Variants in ZFAND4 observed in about 807,000 individuals in gnomAD.
ZFAND4 encodes the protein AN1-type zinc finger protein 4.
ZFAND4 carries 43 observed loss-of-function variants against 64.4 expected under a neutral mutation model. The observed-to-expected ratio is 0.67, with a 90% CI of 0.52 to 0.86. The LOEUF (loss-of-function observed/expected upper bound fraction) is 0.86, where lower values mean the gene tolerates loss of function less well. Ranked by LOEUF, ZFAND4 falls within the 40% of genes least tolerant of loss-of-function variation. The probability of loss-of-function intolerance (pLI) is 0.00; values close to 1 mark genes in which losing one functional copy is unlikely to be tolerated. For synonymous variants in ZFAND4, 296 were observed against 305.7 expected, an observed-to-expected ratio of 0.97 and a Z score of 0.33; for missense variants, 929 against 859.8, an observed-to-expected ratio of 1.08 and a Z score of -1.01.
chr10:45,635,564 C>T (rs184058724), intron 6 of ZFAND4, among the ~76,000 whole-genome samples: 17 of 152,138 alleles, frequency 1.1e-4, no homozygotes, highest in African/African-American at 3.9e-4. Flanking sequence ...AACTATGAAA[C>T]TACTAAAAGA....
intron 6 of ZFAND4, among the ~76,000 whole-genome samples, chr10:45,635,669 T>C (rs546713907): frequency 6.6e-6 from 1 of 152,276 alleles, no homozygotes; most frequent in South Asian, 2.1e-4. Flanking sequence ...AATCCAAGTA[T>C]ACATTGAGGA....
intron 5 of ZFAND4, among the ~76,000 whole-genome samples, chr10:45,643,173 G>A (rs1435163385): frequency 6.6e-6 from 1 of 151,038 alleles, no homozygotes; most frequent in African/African-American, 2.4e-5. Context: ...GCCTGCCTCT[G>A]CCTCCCAAAG....
chr10:45,657,215 A>G (rs956377343), intron 2 of ZFAND4, among the ~76,000 whole-genome samples: 1 of 151,998 alleles, frequency 6.6e-6, no homozygotes, highest in South Asian at 2.1e-4. Context: ...AGGGTTTCGC[A>G]ATGTTGCCCA....
chr10:45,621,121 C>T (rs1222896983), intron 8 of ZFAND4, among the ~76,000 whole-genome samples: 6 of 152,158 alleles, frequency 3.9e-5, no homozygotes, highest in Non-Finnish European at 7.3e-5. Flanking sequence ...GTTCCAGACG[C>T]AAGGCTGGTA....
Position 45,626,567 on chromosome 10 carries a change from G to A in ZFAND4, c.1256C>T (p.Ala419Val), listed in dbSNP as rs751028758. 1.5e-5 allele frequency: 25 copies of A among 1,613,960 alleles called. No homozygotes were observed. Among genetic ancestry groups the A allele is most frequent in the South Asian group, 3.3e-5 (3 of 91,086 alleles). ...ADEQSSGLEG[A>V]CKVNLELLLT... ...TAGCAACTCCAGATTCACTTTGCAC[G>A]CACCTTCTAAGCCGCTGCTCTGTTC... The change falls in exon 7 of 10, where the codon GCG (alanine) becomes GTG (valine). Residue 419 changes from alanine to valine, a missense_variant. By Grantham distance (64) the Ala-to-Val change is moderately conservative. Transcript: ENST00000344646.
chr10:45,643,025 T>A (rs558446375), intron 5 of ZFAND4, among the ~76,000 whole-genome samples: 8,807 of 148,656 alleles, frequency 0.059, 378 homozygotes, highest in African/African-American at 0.12. Flanking sequence ...TCAAGCGCCC[T>A]TTCTCCTGCC....
At chr10:45,639,251 A>C (rs188738164) in intron 6 of ZFAND4, among the ~76,000 whole-genome samples, 1 of 152,308 alleles carries the variant, frequency 6.6e-6, no homozygotes, top group Non-Finnish European at 1.5e-5. Context: ...GTTTTATTAA[A>C]AAGGGTATCC....
In ZFAND4 at chr10:45,625,902, A is replaced by G. The variant is rs2045780003; in HGVS notation, c.1872+49T>C. ...CAAAAACCAAACTTTAAATAAGTTG[A>G]ATCACTACAAGGATAACTACTAGAG... is the stretch of plus-strand genomic sequence containing the variant. On this transcript the variant is annotated intron_variant, in intron 7 of 9. Transcript: ENST00000344646. The G allele has an allele frequency of 2.0e-6, 3 of 1,506,160 alleles. No homozygotes were observed. In the South Asian group the frequency reaches 4.0e-5, roughly 20 times the overall value. The allele number at this position is 1,506,160 out of a possible 1,614,324, so 93.3% of individuals were successfully genotyped here. A position where few individuals can be genotyped will look rare whatever the true frequency, so the allele number is the denominator to read the frequency against.
intron 2 of ZFAND4, among the ~76,000 whole-genome samples, chr10:45,656,501 C>CAAAAAAAAAAAA (rs541781976): frequency 4.7e-3 from 115 of 24,480 alleles, no homozygotes; most frequent in Admixed American, 6.0e-3. Flanking sequence ...GAACCTGTCT[C>CAAAAAAAAAAAA]AAAAAAAAAA....
intron 8 of ZFAND4, among the ~76,000 whole-genome samples, chr10:45,623,493 A>G (rs2045582764): frequency 6.6e-6 from 1 of 152,208 alleles, no homozygotes; most frequent in South Asian, 2.1e-4. Flanking sequence ...TTTCTGATAT[A>G]TGCTACTACA....
Position 45,648,523 on chromosome 10 carries a change from C to T in ZFAND4, c.340G>A (p.Asp114Asn), listed in dbSNP as rs1447907573. 5 of 1,600,852 alleles carry T rather than the reference C, an allele frequency of 3.1e-6. No individual in the cohort carries two copies. The highest frequency in any genetic ancestry group is 1.8e-5 in the Admixed American group (1 of 56,666). Residue 114 changes from aspartate (D) to asparagine (N), a missense_variant, in exon 5 of 10, where the codon GAT becomes AAT. Transcript: ENST00000344646. ...PINTRRVPTD[D>N]PLRKMAEYLD... Reference sequence around the variant, plus strand: ...TACTCTGCCATCTTCCTAAGTGGATCGTCTGTAGGAACTACAAATGGAAAA... The same window carrying T: ...TACTCTGCCATCTTCCTAAGTGGATTGTCTGTAGGAACTACAAATGGAAAA...
At chr10:45,641,330 T>C (rs1448336522) in intron 5 of ZFAND4, among the ~76,000 whole-genome samples, 1 of 152,086 alleles carries the variant, frequency 6.6e-6, no homozygotes, top group Non-Finnish European at 1.5e-5. Context: ...CAGATTTACT[T>C]ATAGGAAAAC....
At chr10:45,651,829 A>G in intron 4 of ZFAND4, 137 bp downstream of exon 4, 1 of 760,826 alleles carries the variant, frequency 1.3e-6, no homozygotes, top group Non-Finnish European at 2.2e-6. Context: ...TTAAAGAACA[A>G]TGCCTAGAGA....
rs2045884791 is a variant in ZFAND4, at chr10:45,627,044, G to C, written c.779C>G (p.Ser260Cys). 3.8e-6 allele frequency: 6 copies of C among 1,597,622 alleles called. No individual in the cohort carries two copies. Among genetic ancestry groups the C allele is most frequent in the Non-Finnish European group, 5.1e-6 (6 of 1,170,988 alleles). ...CAATCGGTGGCGAGATGGTGCAGTG[G>C]AACCACTAGAAGGTCGAGGAGCTAC... ...PPVAPRPSSGSTAPSRHRLLR... is the reference protein window; with the variant it reads ...PPVAPRPSSGCTAPSRHRLLR... Residue 260 changes from serine to cysteine, a missense_variant, in exon 7 of 10, where the codon TCC becomes TGC. By Grantham distance (112) the Ser-to-Cys change is moderately radical. Transcript: ENST00000344646.
chr10:45,626,672 G>A lies in ZFAND4; in HGVS notation c.1151C>T (p.Pro384Leu), dbSNP rs186385354. Residue 384 changes from proline to leucine, a missense_variant, in exon 7 of 10, where the codon CCT (proline) becomes CTT (leucine). Physicochemically the swap from Pro to Leu is moderately conservative, Grantham distance 98. Coordinates refer to ENST00000344646, the MANE Select transcript of ZFAND4 (RefSeq NM_174890.4). Reference protein sequence around the residue: ...LPSSNGNIVLPSEECVTEQSL... With the variant: ...LPSSNGNIVLLSEECVTEQSL... The stretch of plus-strand genomic sequence containing the variant: ...TTGTTCGGTTACACATTCTTCTGAA[G>A]GTAAGACAATGTTCCCATTACTAGA... The A allele has an allele frequency of 5.5e-5, 88 of 1,614,164 alleles. No individual in the cohort carries two copies. The African/African-American group carries it at 1.1e-3, about 20-fold the overall frequency.
At position 45,639,914 on chromosome 10, in the gene ZFAND4, G is replaced by A. The variant is rs1328925037; in HGVS notation, c.619C>T (p.Pro207Ser). Residue 207 changes from proline (P) to serine (S), a missense_variant, in exon 6 of 10, where the codon CCT (proline) becomes TCT (serine). Coordinates refer to ENST00000344646, the MANE Select transcript of ZFAND4 (RefSeq NM_174890.4). ...ATTATCTGTTGCCCAGAAGAAGAAG[G>A]CTCAGTTTCTTCATCCTCATCTGTA... ...SDTDEDEETE[P>S]SSSGQQIIEN... 1 of 1,613,162 alleles carries A rather than the reference G, an allele frequency of 6.2e-7. No individual in the cohort carries two copies. Among genetic ancestry groups the A allele is most frequent in the Admixed American group, 1.7e-5 (1 of 59,932 alleles).
At chr10:45,655,416 C>G (rs2048032756) in intron 2 of ZFAND4, among the ~76,000 whole-genome samples, 2 of 152,142 alleles carry the variant, frequency 1.3e-5, no homozygotes, top group African/African-American at 4.8e-5. Context: ...AGGTCACAAA[C>G]TGACATCACA....
At position 45,626,870 on chromosome 10, in the gene ZFAND4, T is replaced by C; in HGVS notation, c.953A>G (p.Lys318Arg). 6.2e-7 allele frequency: 1 copy of C among 1,614,224 alleles called. No individual in the cohort carries two copies. The highest frequency in any genetic ancestry group is 2.2e-5 in the East Asian group (1 of 44,884). The change falls in exon 7 of 10, where the codon AAG becomes AGG. Residue 318 changes from lysine to arginine, a missense_variant. Lys to Arg is a conservative substitution (Grantham distance 26). Coordinates refer to ENST00000344646, the MANE Select transcript of ZFAND4 (RefSeq NM_174890.4). ...GTTATTCTCCCAGCTATTATCTTCC[T>C]TAAGAAATTCACCAGTGATAGAAGA... is the stretch of plus-strand genomic sequence containing the variant. Reference protein sequence around the residue: ...YISSITGEFLKEDNSWENNTL... With the variant: ...YISSITGEFLREDNSWENNTL...
At position 45,626,665 on chromosome 10, in the gene ZFAND4, T is replaced by G; in HGVS notation, c.1158A>C (p.Glu386Asp). Residue 386 changes from glutamate to aspartate, a missense_variant, in exon 7 of 10, where the codon GAA (glutamate) becomes GAC (aspartate). By Grantham distance (45) the Glu-to-Asp change is conservative. Coordinates refer to ENST00000344646, the MANE Select transcript of ZFAND4 (RefSeq NM_174890.4). The stretch of plus-strand genomic sequence containing the variant: ...GAAGTGATTGTTCGGTTACACATTC[T>G]TCTGAAGGTAAGACAATGTTCCCAT... The part of the protein sequence containing the change: ...SSNGNIVLPS[E>D]ECVTEQSLLP... 6.2e-7 allele frequency: 1 copy of G among 1,614,240 alleles called. No individual in the cohort carries two copies. The highest frequency in any genetic ancestry group is 2.2e-5 in the East Asian group (1 of 44,890).
Sources: allele counts gnomAD v4.1 joint callset (sites outside exome capture counted in the v4.1 genomes callset), GRCh38; gene constraint gnomAD v4.1.1; transcripts MANE v1.5; gene names NCBI Gene and HGNC (gene_info 2026-07-23, HGNC 2026-07-21).